Variants in SMG6 observed in about 807,000 individuals in gnomAD.
SMG6 encodes SMG6 nonsense mediated mRNA decay factor.
Under a neutral mutation model 142.2 loss-of-function variants are expected in SMG6, and 66 were observed. The observed-to-expected ratio is 0.46, with a 90% CI of 0.38 to 0.57. The LOEUF is 0.57. Among genes scored for constraint, SMG6 ranks in the 20% least tolerant of loss-of-function variants. The pLI is 0.00. For missense variants in SMG6, 1,793 were observed against 1,832.0 expected, an observed-to-expected ratio of 0.98 and a Z score of 0.39; for synonymous variants, 779 against 702.4, an observed-to-expected ratio of 1.11 and a Z score of -1.72.
At position 2,068,675 on chromosome 17, in the gene SMG6, C is replaced by A; in HGVS notation, c.3835+103G>T. ...TCCCCTGCAAATCCCATCTTACACA[C>A]GCACAGCAGGGCTCTGCCTGCCTGG... On this transcript the variant is annotated intron_variant, in intron 16 of 18. Transcript: ENST00000263073. The surrounding 1 kb of genome is among the most constrained non-coding windows in gnomAD (Gnocchi z 6.7). 7 of 1,223,564 alleles carry A rather than the reference C, an allele frequency of 5.7e-6. No homozygotes were observed. Among genetic ancestry groups the A allele is most frequent in the African/African-American group, 4.5e-5 (3 of 66,542 alleles). The allele number at this position is 1,223,564 out of a possible 1,614,324, so 75.8% of individuals were successfully genotyped here.
At chr17:2,140,533 G>A (rs1347433882) in intron 13 of SMG6, among the ~76,000 whole-genome samples, 1 of 152,034 alleles carries the variant, frequency 6.6e-6, no homozygotes, top group African/African-American at 2.4e-5. Context: ...TCAGCCGGGT[G>A]TGGTAGCACG....
intron 13 of SMG6, among the ~76,000 whole-genome samples, chr17:2,165,472 G>GA (rs1451281017): frequency 1.3e-5 from 2 of 152,220 alleles, no homozygotes; most frequent in Admixed American, 1.3e-4. Context: ...CCTGGGACCA[G>GA]AAGTGTTTCA....
chr17:2,168,987 C>G (rs994999222), intron 13 of SMG6, among the ~76,000 whole-genome samples: 1 of 151,678 alleles, frequency 6.6e-6, no homozygotes, highest in Non-Finnish European at 1.5e-5. Flanking sequence ...ACCTCGTGAT[C>G]CGCCTGCCTC....
intron 13 of SMG6, among the ~76,000 whole-genome samples, chr17:2,147,071 G>C (rs2070690864): frequency 6.6e-6 from 1 of 152,242 alleles, no homozygotes; most frequent in Admixed American, 6.5e-5. Context: ...ATATGAGATA[G>C]AGTTTTTGTT....
intron 10 of SMG6, among the ~76,000 whole-genome samples, chr17:2,220,205 A>G (rs1235348816): frequency 6.6e-6 from 1 of 152,204 alleles, no homozygotes; most frequent in Admixed American, 6.5e-5. Flanking sequence ...CGCTTGGCCT[A>G]TTCTAATAAA....
chr17:2,147,058 T>A (rs1460589329), intron 13 of SMG6, among the ~76,000 whole-genome samples: 1 of 152,042 alleles, frequency 6.6e-6, no homozygotes, highest in Admixed American at 6.6e-5. Flanking sequence ...CAAAAGAAGG[T>A]ATATATGAGA....
chr17:2,198,467 C>T (rs1349251201), intron 10 of SMG6, among the ~76,000 whole-genome samples: 1 of 151,840 alleles, frequency 6.6e-6, no homozygotes, highest in East Asian at 1.9e-4. Flanking sequence ...GCACAGAACC[C>T]CACACACACA....
intron 6 of SMG6, among the ~76,000 whole-genome samples, chr17:2,285,219 G>A (rs1427480889): frequency 6.6e-6 from 1 of 151,848 alleles, no homozygotes; most frequent in African/African-American, 2.4e-5. Flanking sequence ...AAGCACTACT[G>A]TACACGTGTT....
At chr17:2,302,459 T>C (rs993231855) in intron 1 of SMG6, among the ~76,000 whole-genome samples, 1 of 152,140 alleles carries the variant, frequency 6.6e-6, no homozygotes, top group African/African-American at 2.4e-5. Flanking sequence ...GAGAATGGCG[T>C]GAACCCGGGA....
intron 10 of SMG6, among the ~76,000 whole-genome samples, chr17:2,225,589 T>G (rs1331449418): frequency 6.6e-6 from 1 of 152,082 alleles, no homozygotes; most frequent in African/African-American, 2.4e-5. Flanking sequence ...TAACGATAAC[T>G]TGTTTTATAG....
At chr17:2,114,267 C>G (rs2641439) in intron 13 of SMG6, among the ~76,000 whole-genome samples, 53,928 of 151,916 alleles carry the variant, frequency 0.35, 10,262 homozygotes, top group African/African-American at 0.49. Context: ...GGGACTCCAT[C>G]CCAAAACAAA....
chr17:2,255,949 G>A (rs1316620667), intron 8 of SMG6: 3 of 204,112 alleles, frequency 1.5e-5, no homozygotes, highest in East Asian at 1.6e-4. Context: ...TAAGGGCGGT[G>A]CAAGATGTGC....
intron 9 of SMG6, among the ~76,000 whole-genome samples, chr17:2,239,328 C>T (rs534379951): frequency 6.6e-6 from 1 of 152,058 alleles, no homozygotes; most frequent in East Asian, 1.9e-4. Flanking sequence ...AAAATTATAG[C>T]CAAGAAGAAA....
intron 13 of SMG6, among the ~76,000 whole-genome samples, chr17:2,153,324 T>C (rs1193265728): frequency 1.3e-5 from 2 of 152,172 alleles, no homozygotes; most frequent in African/African-American, 4.8e-5. Context: ...TGGAAAAAGC[T>C]AAGTTACAGA....
chr17:2,098,505 T>C (rs769401384), intron 13 of SMG6, among the ~76,000 whole-genome samples: 1 of 152,226 alleles, frequency 6.6e-6, no homozygotes, highest in Non-Finnish European at 1.5e-5. Context: ...GGTAGGGTTT[T>C]ACATTCTTTC....
At chr17:2,292,422 G>C in intron 6 of SMG6, 130 bp downstream of exon 6, 1 of 862,858 alleles carries the variant, frequency 1.2e-6, no homozygotes. Context: ...GTAACAAAAG[G>C]AGTTTGAGGG....
intron 13 of SMG6, among the ~76,000 whole-genome samples, chr17:2,104,242 C>T (rs1244681078): frequency 4.6e-5 from 7 of 152,148 alleles, no homozygotes; most frequent in Middle Eastern, 3.4e-3. Flanking sequence ...TGAGCCACCG[C>T]GCCCGGCCAC....
chr17:2,294,913 T>A (rs999696374), intron 4 of SMG6, among the ~76,000 whole-genome samples: 12 of 152,156 alleles, frequency 7.9e-5, no homozygotes, highest in South Asian at 2.1e-4. Flanking sequence ...TCTCACTTTG[T>A]TGCCCAGGCT....
chr17:2,172,425 C>T (rs922362791), intron 13 of SMG6, among the ~76,000 whole-genome samples: 1 of 151,686 alleles, frequency 6.6e-6, no homozygotes, highest in African/African-American at 2.4e-5. Flanking sequence ...AGGAAATGAT[C>T]GTATATACAA....
Sources: gnomAD v4.1 joint callset for allele counts (sites outside exome capture counted in the v4.1 genomes callset) on GRCh38, gnomAD v4.1.1 for gene constraint, Gnocchi (gnomAD v3.1) non-coding constraint, MANE v1.5 for transcripts, NCBI Gene and HGNC (gene_info 2026-07-23, HGNC 2026-07-21) for gene names.